HABP2: variants seen among roughly 807,000 people sequenced by gnomAD.
HABP2 encodes the protein factor VII-activating protease.
HABP2 carries 65 observed loss-of-function variants against 66.5 expected under a neutral mutation model. The ratio of observed to expected loss-of-function variants is 0.98; its 90% confidence interval spans 0.80 to 1.20. HABP2 has a LOEUF of 1.20. Ranked by LOEUF, HABP2 falls within the 50% of genes most tolerant of loss-of-function variation. The probability of loss-of-function intolerance (pLI) is 0.00; values close to 1 mark genes in which losing one functional copy is unlikely to be tolerated. For missense variants in HABP2, 786 were observed against 691.0 expected, an observed-to-expected ratio of 1.14 and a Z score of -1.54; for synonymous variants, 263 against 253.9, an observed-to-expected ratio of 1.04 and a Z score of -0.34.
chr10:113,576,345 G>A (rs1375776709), intron 4 of HABP2, among the ~76,000 whole-genome samples: 2 of 152,188 alleles, frequency 1.3e-5, no homozygotes, highest in Non-Finnish European at 2.9e-5. Flanking sequence ...GGAGAGCAGG[G>A]AGGATCTCAG....
intron 1 of HABP2, among the ~76,000 whole-genome samples, chr10:113,562,993 A>G (rs1389569649): frequency 6.6e-6 from 1 of 152,246 alleles, no homozygotes; most frequent in African/African-American, 2.4e-5. Context: ...TAGACAACTT[A>G]ATATCTGAAA....
chr10:113,574,451 A>T, intron 3 of HABP2, 46 bp downstream of exon 3: 1 of 955,282 alleles, frequency 1.0e-6, no homozygotes, highest in Non-Finnish European at 1.7e-6. Context: ...AGAAGGTCAG[A>T]GCGGAGTGTA....
rs759397181 is a variant in HABP2, at chr10:113,585,785, C to G, written c.1373-8C>G. On this transcript the variant is annotated splice_region_variant and splice_polypyrimidine_tract_variant and intron_variant, in intron 11 of 12. Coordinates refer to ENST00000351270, the MANE Select transcript of HABP2 (RefSeq NM_004132.5). ...GTAGTGACTCTTTTCTCTGCACCTT[C>G]CCCACAGGAAAAGGGTCCCGCCAGC... The G allele has an allele frequency of 1.2e-6, 2 of 1,611,652 alleles. No individual in the cohort carries two copies. Among genetic ancestry groups the G allele is most frequent in the Non-Finnish European group, 1.7e-6 (2 of 1,177,776 alleles).
At chr10:113,583,409 C>A (rs758656905) in intron 10 of HABP2, 51 bp downstream of exon 10, 6 of 1,543,694 alleles carry the variant, frequency 3.9e-6, no homozygotes, top group Non-Finnish European at 5.4e-6. Context: ...GGGTGGATTT[C>A]TCTATGACCA....
intron 7 of HABP2, among the ~76,000 whole-genome samples, chr10:113,579,221 C>T (rs1218653691): frequency 6.6e-6 from 1 of 150,822 alleles, no homozygotes; most frequent in African/African-American, 2.4e-5. Context: ...GCACTCCAGC[C>T]TGGGTGACAG....
Position 113,584,287 on chromosome 10 carries a change from G to C in HABP2, c.1372+5G>C. The C allele has an allele frequency of 6.2e-7, 1 of 1,613,672 alleles. No homozygotes were observed. The highest frequency in any genetic ancestry group is 8.5e-7 in the Non-Finnish European group (1 of 1,179,574). On this transcript the variant is annotated splice_donor_5th_base_variant and intron_variant, in intron 11 of 12. Transcript: ENST00000351270. The stretch of plus-strand genomic sequence containing the variant: ...GCTGGGGTGTTACAGAAACAGGTGA[G>C]TCGGCCATGCACTCTCCCATGACTT...
At chr10:113,579,560 G>C (rs759876120) in intron 7 of HABP2, among the ~76,000 whole-genome samples, 1 of 152,206 alleles carries the variant, frequency 6.6e-6, no homozygotes, top group Admixed American at 6.5e-5. Flanking sequence ...GGATGTTCAG[G>C]CTTTCCCATG....
chr10:113,567,540 C>A lies in HABP2; in HGVS notation c.106+15C>A. ...CCTGGACCCAGGTAAGTGTGCTGATCTCCCTGGGGCTTCCCACCAATCCCA... is the reference window on the plus strand; with the variant it reads ...CCTGGACCCAGGTAAGTGTGCTGATATCCCTGGGGCTTCCCACCAATCCCA... On this transcript the variant is annotated intron_variant, in intron 2 of 12. Coordinates refer to ENST00000351270, the MANE Select transcript of HABP2 (RefSeq NM_004132.5). 6.3e-7 allele frequency: 1 copy of A among 1,592,660 alleles called. No individual in the cohort carries two copies. Among genetic ancestry groups the A allele is most frequent in the Non-Finnish European group, 8.6e-7 (1 of 1,160,470 alleles).
rs11575666 is a variant in HABP2 at position 113,567,289 on chromosome 10, C to G, written c.70-200C>G. On this transcript the variant is annotated intron_variant, in intron 1 of 12. Coordinates refer to ENST00000351270, the MANE Select transcript of HABP2 (RefSeq NM_004132.5). ...AAGGACAATGCTTCAGTACTCAGCG[C>G]GCACAGGTGGTGGTGGTGGAGGGGG... Among the ~76,000 whole-genome samples the G allele has an allele frequency of 0.065, 9,936 of 152,186 alleles. 382 individuals are homozygous for G. Among genetic ancestry groups the G allele is most frequent in the Middle Eastern group, 0.12 (35 of 294 alleles).
chr10:113,553,584 C>A (rs2240878), intron 1 of HABP2, among the ~76,000 whole-genome samples: 48,893 of 152,132 alleles, frequency 0.32, 8,068 homozygotes, highest in Middle Eastern at 0.49. Flanking sequence ...AGTTTTCCAG[C>A]GATTTGTGGC....
Position 113,584,145 on chromosome 10 carries a change from T to C in HABP2, c.1238-3T>C, listed in dbSNP as rs368978829. On this transcript the variant is annotated splice_polypyrimidine_tract_variant and splice_region_variant and intron_variant, in intron 10 of 12. Transcript: ENST00000351270. ...TCCATTTTCTACCTCTCTCTCCACC[T>C]AGCATTGCTCAAGTTAAAGCCAGTG... 1.3e-5 allele frequency: 21 copies of C among 1,613,378 alleles called. No individual in the cohort carries two copies. In the African/African-American group the frequency reaches 2.3e-4, roughly 17 times the overall value.
chr10:113,571,476 C>T (rs574724465), intron 2 of HABP2, among the ~76,000 whole-genome samples: 4 of 152,142 alleles, frequency 2.6e-5, no homozygotes, highest in East Asian at 1.9e-4. Flanking sequence ...GCTGGCACAC[C>T]GTCCTTCCAT....
chr10:113,564,777 TTTTG>T (rs1247811953), intron 1 of HABP2, among the ~76,000 whole-genome samples: 5 of 152,322 alleles, frequency 3.3e-5, no homozygotes, highest in Admixed American at 1.3e-4. Context: ...TGTATAGTTG[TTTTG>T]TTTGTTTGTT....
At chr10:113,553,026 C>T, upstream of HABP2, 1 of 850,882 alleles carries the variant, frequency 1.2e-6, no homozygotes, top group Non-Finnish European at 2.0e-6. Context: ...TTCATTTGTT[C>T]CTGAATCCTT....
chr10:113,578,559 C>T, intron 6 of HABP2, 68 bp from the exon 7 acceptor site: 1 of 1,094,656 alleles, frequency 9.1e-7, no homozygotes, highest in Non-Finnish European at 1.4e-6. Context: ...CACATACCCA[C>T]CAAGCCCTTT....
In HABP2 at chr10:113,588,846, A is replaced by G; in HGVS notation, c.*477A>G. ...TTCTCCATCTGCTTTCAGAGTTATT[A>G]TTTTAATAAAGGAAGATCTGGGATG... On this transcript the variant is annotated 3_prime_UTR_variant, in exon 13 of 13. Coordinates refer to ENST00000351270, the MANE Select transcript of HABP2 (RefSeq NM_004132.5). The G allele has an allele frequency of 1.4e-6, 1 of 709,992 alleles. No individual in the cohort carries two copies. Among genetic ancestry groups the G allele is most frequent in the Non-Finnish European group, 2.5e-6 (1 of 398,818 alleles). The allele number at this position is 709,992 out of a possible 1,614,324, so 44.0% of individuals were successfully genotyped here.
rs150551078 is a variant in HABP2, at chr10:113,589,076, C to A, written c.*707C>A. 1.2e-6 allele frequency: 2 copies of A among 1,613,578 alleles called. No individual in the cohort carries two copies. Among genetic ancestry groups the A allele is most frequent in the Non-Finnish European group, 1.7e-6 (2 of 1,179,752 alleles). ...TCTCCAGCCTCCACTGCTTCTGCCCCCCGCTGCTGAAATCAAACATACCCC... is the reference window on the plus strand; with the variant it reads ...TCTCCAGCCTCCACTGCTTCTGCCCACCGCTGCTGAAATCAAACATACCCC... On this transcript the variant is annotated 3_prime_UTR_variant, in exon 13 of 13. Coordinates refer to ENST00000351270, the MANE Select transcript of HABP2 (RefSeq NM_004132.5).
intron 1 of HABP2, among the ~76,000 whole-genome samples, chr10:113,561,111 G>C (rs1408854044): frequency 6.6e-6 from 1 of 152,152 alleles, no homozygotes; most frequent in Non-Finnish European, 1.5e-5. Context: ...GGATAAAGTT[G>C]GTTAGACAGA....
chr10:113,572,674 T>C, intron 2 of HABP2: 1 of 455,266 alleles, frequency 2.2e-6, no homozygotes, highest in South Asian at 1.6e-5. Flanking sequence ...AGGAAAACTT[T>C]ATTTGCTCCA....
Sources: gnomAD v4.1 joint callset for allele counts (sites outside exome capture counted in the v4.1 genomes callset) on GRCh38, gnomAD v4.1.1 for gene constraint, MANE v1.5 for transcripts, NCBI Gene and HGNC (gene_info 2026-07-23, HGNC 2026-07-21) for gene names.